The following FREM2 variants were observed in gnomAD, a reference collection of about 807,000 sequenced individuals.
FREM2 encodes FRAS1 related extracellular matrix 2, also known as FRAS1-related extracellular matrix protein 2.
FREM2 carries 119 observed loss-of-function variants against 219.9 expected under a neutral mutation model. The ratio of observed to expected loss-of-function variants is 0.54; its 90% CI spans 0.47 to 0.63. The LOEUF (loss-of-function observed/expected upper bound fraction) is 0.63, where lower values mean the gene tolerates loss of function less well. Among genes scored for constraint, FREM2 ranks in the 30% least tolerant of loss-of-function variants. FREM2 has a pLI of 0.00. For missense variants in FREM2, 4,030 were observed against 3,993.6 expected (o/e 1.01, Z -0.25); for synonymous variants, 1,562 against 1,522.8 (o/e 1.03, Z -0.60).
At chr13:38,716,561 G>A (rs1871009936) in intron 2 of FREM2, among the ~76,000 whole-genome samples, 1 of 151,860 alleles carries the variant, frequency 6.6e-6, no homozygotes, top group Non-Finnish European at 1.5e-5. Context: ...TGGACAAGCT[G>A]GAGTGCAGTG....
intron 6 of FREM2, among the ~76,000 whole-genome samples, chr13:38,786,870 T>C (rs1038589188): frequency 2.0e-5 from 3 of 152,158 alleles, no homozygotes; most frequent in African/African-American, 7.2e-5. Flanking sequence ...GAGAGACTAG[T>C]TGATTAACTT....
intron 6 of FREM2, among the ~76,000 whole-genome samples, chr13:38,821,266 AT>A (rs75250131): frequency 0.021 from 3,126 of 148,480 alleles, 45 homozygotes; most frequent in African/African-American, 0.045. Flanking sequence ...AATCTTATAC[AT>A]TTTTTTTTTG....
chr13:38,691,413 C>T lies in FREM2; in HGVS notation c.4069C>T (p.Pro1357Ser), dbSNP rs1465316915. 7 of 1,614,094 alleles carry T rather than the reference C, an allele frequency of 4.3e-6. No homozygotes were observed. Among genetic ancestry groups the T allele is most frequent in the African/African-American group, 1.3e-5 (1 of 75,012 alleles). The part of the protein sequence containing the change: ...PGHGLLQRRK[P>S]TGAFENITLG... Reference sequence around the variant, plus strand: ...ACATGGCTTATTACAGAGACGAAAACCTACTGGTGCCTTTGAAAATATCAC... The same window carrying T: ...ACATGGCTTATTACAGAGACGAAAATCTACTGGTGCCTTTGAAAATATCAC... The change falls in exon 1 of 24, where the codon CCT becomes TCT. Residue 1357 changes from proline to serine, a missense_variant. Physicochemically the swap from Pro to Ser is moderately conservative, Grantham distance 74. Coordinates refer to ENST00000280481, the MANE Select transcript of FREM2 (RefSeq NM_207361.6).
rs566278186 is a variant in FREM2 at position 38,833,803 on chromosome 13, G to GTGAA, written c.6020-12767_6020-12766insATGA. On this transcript the variant is annotated intron_variant, in intron 6 of 23. Coordinates refer to ENST00000280481, the MANE Select transcript of FREM2 (RefSeq NM_207361.6). ...GAATTTTGTTTTAGTTTGGTTTCCTGTGATCCCCCTCAAGAGTTGATTCAT... is the reference window on the plus strand; with the variant it reads ...GAATTTTGTTTTAGTTTGGTTTCCTGTGAATGATCCCCCTCAAGAGTTGATTCAT... Among the ~76,000 whole-genome samples the GTGAA allele has an allele frequency of 4.5e-4, 68 of 152,140 alleles. No individual in the cohort carries two copies. In the South Asian group the frequency reaches 0.014, roughly 31 times the overall value.
At chr13:38,729,330 A>G (rs1238866358) in intron 2 of FREM2, among the ~76,000 whole-genome samples, 1 of 152,050 alleles carries the variant, frequency 6.6e-6, no homozygotes, top group Non-Finnish European at 1.5e-5. Context: ...GAATGATTTT[A>G]TTTATGAGAT....
At chr13:38,788,204 C>T (rs1016430189) in intron 6 of FREM2, among the ~76,000 whole-genome samples, 6 of 152,082 alleles carry the variant, frequency 3.9e-5, no homozygotes, top group African/African-American at 1.4e-4. Flanking sequence ...TCTTCAGAAG[C>T]TTGCAGTGAG....
At chr13:38,879,078 G>C in intron 23 of FREM2, 101 bp downstream of exon 23, 2 of 1,073,708 alleles carry the variant, frequency 1.9e-6, no homozygotes, top group South Asian at 1.3e-5. Flanking sequence ...AGCAGTAATA[G>C]TAATATTGCA....
intron 2 of FREM2, among the ~76,000 whole-genome samples, chr13:38,751,635 G>T (rs1872772044): frequency 6.6e-6 from 1 of 152,046 alleles, no homozygotes; most frequent in Admixed American, 6.6e-5. Flanking sequence ...TTTCACCTTA[G>T]ATTTTGTATT....
chr13:38,741,069 G>A (rs1872222114), intron 2 of FREM2, among the ~76,000 whole-genome samples: 1 of 152,096 alleles, frequency 6.6e-6, no homozygotes, highest in Non-Finnish European at 1.5e-5. Context: ...ACCCTATAAG[G>A]TATTTATCAC....
intron 1 of FREM2, among the ~76,000 whole-genome samples, chr13:38,694,713 A>T (rs1870033603): frequency 6.6e-6 from 1 of 152,202 alleles, no homozygotes; most frequent in African/African-American, 2.4e-5. Context: ...ATTCCTTTCT[A>T]AAACTTATTA....
intron 13 of FREM2, among the ~76,000 whole-genome samples, chr13:38,858,733 T>A (rs1803980754): frequency 6.6e-6 from 1 of 152,204 alleles, no homozygotes; most frequent in Admixed American, 6.5e-5. Flanking sequence ...GAGTTTTAAA[T>A]GTCATATTAA....
intron 2 of FREM2, among the ~76,000 whole-genome samples, chr13:38,700,615 A>C (rs1370695359): frequency 1.3e-5 from 2 of 152,110 alleles, no homozygotes; most frequent in Non-Finnish European, 2.9e-5. Flanking sequence ...CAGCAAAAAA[A>C]ACTTAGTATG....
At chr13:38,842,722 G>A (rs912324609) in intron 6 of FREM2, among the ~76,000 whole-genome samples, 1 of 152,176 alleles carries the variant, frequency 6.6e-6, no homozygotes, top group African/African-American at 2.4e-5. Context: ...CATCTCAGGA[G>A]ACACAATGTA....
At chr13:38,778,692 G>A (rs1481585244) in intron 4 of FREM2, among the ~76,000 whole-genome samples, 1 of 152,054 alleles carries the variant, frequency 6.6e-6, no homozygotes, top group Non-Finnish European at 1.5e-5. Flanking sequence ...TAACCAATGA[G>A]TACTAGGCTT....
At chr13:38,879,055 C>T (rs1311124139) in intron 23 of FREM2, 78 bp downstream of exon 23, 1 of 1,294,988 alleles carries the variant, frequency 7.7e-7, no homozygotes, top group East Asian at 2.3e-5. Flanking sequence ...CCTCAGATGT[C>T]TCATATGTAA....
chr13:38,837,219 A>G (rs933824527), intron 6 of FREM2, among the ~76,000 whole-genome samples: 1 of 152,228 alleles, frequency 6.6e-6, no homozygotes, highest in Non-Finnish European at 1.5e-5. Context: ...ATACAAGAGC[A>G]GGTTGTTCAG....
chr13:38,756,543 T>C (rs1358343436), intron 2 of FREM2, among the ~76,000 whole-genome samples: 2 of 148,976 alleles, frequency 1.3e-5, no homozygotes, highest in Non-Finnish European at 3.0e-5. Context: ...TTTTTTTTTT[T>C]TTGAGACGGA....
intron 2 of FREM2, among the ~76,000 whole-genome samples, chr13:38,725,754 G>T (rs1372562389): frequency 1.3e-5 from 2 of 152,160 alleles, no homozygotes; most frequent in South Asian, 2.1e-4. Flanking sequence ...ATGTACTTTT[G>T]CAGATCTATG....
chr13:38,837,119 C>T lies in FREM2; in HGVS notation c.6020-9454C>T, dbSNP rs532486948. 9.2e-5 allele frequency among the ~76,000 whole-genome samples: 14 copies of T among 152,222 alleles called. 1 individual carries two copies. In the South Asian group the frequency reaches 2.9e-3, roughly 32 times the overall value. ...CTCTAAACACTGCTTTATCTGTGTCCCATAGATTCTGGTACATTGTGTCTT... is the reference window on the plus strand; with the variant it reads ...CTCTAAACACTGCTTTATCTGTGTCTCATAGATTCTGGTACATTGTGTCTT... On this transcript the variant is annotated intron_variant, in intron 6 of 23. Transcript: ENST00000280481.
Sources: allele counts gnomAD v4.1 joint callset (sites outside exome capture counted in the v4.1 genomes callset), GRCh38; gene constraint gnomAD v4.1.1; transcripts MANE v1.5; gene names NCBI Gene and HGNC (gene_info 2026-07-23, HGNC 2026-07-21).